Variants in PDGFC observed in about 807,000 individuals in gnomAD.
PDGFC encodes the protein platelet derived growth factor C, also known as platelet-derived growth factor C.
Under a neutral mutation model 35.5 loss-of-function variants are expected in PDGFC, and 12 were observed. That is an observed-to-expected ratio of 0.34 (90% CI 0.22 to 0.55). The LOEUF (loss-of-function observed/expected upper bound fraction) is 0.55. PDGFC is among the 20% of genes least tolerant of loss of function. PDGFC has a pLI of 0.91. For missense variants in PDGFC, 322 were observed against 412.4 expected (o/e 0.78, Z 1.90); for synonymous variants, 159 against 148.8 (o/e 1.07, Z -0.50).
intron 1 of PDGFC, among the ~76,000 whole-genome samples, chr4:156,870,659 C>G (rs764518209): frequency 8.6e-5 from 13 of 150,520 alleles, no homozygotes; most frequent in South Asian, 4.2e-4. Flanking sequence ...ATACGAAATA[C>G]AGGATGAGTG....
chr4:156,918,628 C>T (rs779953249), intron 1 of PDGFC, among the ~76,000 whole-genome samples: 11 of 152,192 alleles, frequency 7.2e-5, no homozygotes, highest in Middle Eastern at 3.4e-3. Flanking sequence ...ACTGCATATG[C>T]GAGGGACATA....
At chr4:156,786,531 A>G (rs577524663) in intron 3 of PDGFC, among the ~76,000 whole-genome samples, 2 of 152,198 alleles carry the variant, frequency 1.3e-5, no homozygotes, top group Admixed American at 6.5e-5. Context: ...GGTAAATTCA[A>G]CTCAAGGAAT....
chr4:156,868,806 T>C (rs1729908314), intron 1 of PDGFC, among the ~76,000 whole-genome samples: 1 of 152,194 alleles, frequency 6.6e-6, no homozygotes, highest in African/African-American at 2.4e-5. Context: ...TGCAGTTGGT[T>C]CTTCTTCAAG....
chr4:156,763,454 A>C (rs1330236297), intron 5 of PDGFC, among the ~76,000 whole-genome samples: 1 of 151,986 alleles, frequency 6.6e-6, no homozygotes, highest in Non-Finnish European at 1.5e-5. Flanking sequence ...TGAATAAGGA[A>C]CAGTACTTAA....
intron 2 of PDGFC, among the ~76,000 whole-genome samples, chr4:156,827,579 T>G (rs556409735): frequency 2.0e-5 from 3 of 152,228 alleles, no homozygotes; most frequent in African/African-American, 4.8e-5. Flanking sequence ...AACAAAAAAC[T>G]AAATCCAATG....
At chr4:156,875,243 C>T (rs1278157572) in intron 1 of PDGFC, among the ~76,000 whole-genome samples, 3 of 152,150 alleles carry the variant, frequency 2.0e-5, no homozygotes, top group African/African-American at 7.2e-5. Context: ...ATCCTGGTAA[C>T]TGCATATGGT....
chr4:156,762,658 AT>A lies in PDGFC; in HGVS notation c.*431del. 1 of 152,958 alleles carries A rather than the reference AT, an allele frequency of 6.5e-6. No individual in the cohort carries two copies. Among genetic ancestry groups the A allele is most frequent in the Admixed American group, 6.5e-5 (1 of 15,346 alleles). The allele number at this position is 152,958 out of a possible 1,614,324, so 9.5% of individuals were successfully genotyped here. The stretch of plus-strand genomic sequence containing the variant: ...AAAAAAAAAATCCAGATTTTATACG[AT>A]TTTAGGCCCAGGACATGGAGCTTTA... On this transcript the variant is annotated 3_prime_UTR_variant, in exon 6 of 6. Transcript: ENST00000502773.
At chr4:156,794,926 A>G (rs373987213) in intron 3 of PDGFC, among the ~76,000 whole-genome samples, 1 of 152,194 alleles carries the variant, frequency 6.6e-6, no homozygotes, top group East Asian at 1.9e-4. Context: ...ATGCAGTATC[A>G]AGATGGAAAC....
chr4:156,893,848 T>A (rs1048556764), intron 1 of PDGFC, among the ~76,000 whole-genome samples: 3 of 152,202 alleles, frequency 2.0e-5, no homozygotes, highest in African/African-American at 7.2e-5. Flanking sequence ...ATATTATACA[T>A]AAACACACAT....
chr4:156,850,279 T>A lies in PDGFC; in HGVS notation c.256A>T (p.Ile86Leu). Residue 86 changes from isoleucine to leucine, a missense_variant, in exon 2 of 6, where the codon ATA becomes TTA. Coordinates refer to ENST00000502773, the MANE Select transcript of PDGFC (RefSeq NM_016205.3). ...RLVAVEENVWIQLTFDERFGL... is the reference protein window; with the variant it reads ...RLVAVEENVWLQLTFDERFGL... Reference sequence around the variant, plus strand: ...AATCTTTCATCAAACGTAAGTTGTATCCATACATTTTCCTCTACTGCTACT... The same window carrying A: ...AATCTTTCATCAAACGTAAGTTGTAACCATACATTTTCCTCTACTGCTACT... The A allele has an allele frequency of 6.2e-7, 1 of 1,609,902 alleles. No homozygotes were observed.
chr4:156,927,092 T>C (rs1285041790), intron 1 of PDGFC, among the ~76,000 whole-genome samples: 1 of 152,204 alleles, frequency 6.6e-6, no homozygotes, highest in African/African-American at 2.4e-5. Context: ...GGACTGCACC[T>C]TCTGAAACCA....
At chr4:156,953,111 T>C (rs570942631) in intron 1 of PDGFC, among the ~76,000 whole-genome samples, 3 of 152,092 alleles carry the variant, frequency 2.0e-5, no homozygotes, top group South Asian at 2.1e-4. Context: ...TTCTATCCCT[T>C]AAGTAAAAGG....
intron 1 of PDGFC, among the ~76,000 whole-genome samples, chr4:156,874,392 C>T (rs1254616375): frequency 6.6e-6 from 1 of 152,002 alleles, no homozygotes; most frequent in Non-Finnish European, 1.5e-5. Flanking sequence ...TAGTTTTGAG[C>T]ACTCCAACTT....
At chr4:156,799,849 C>T (rs552331963) in intron 3 of PDGFC, among the ~76,000 whole-genome samples, 2 of 152,196 alleles carry the variant, frequency 1.3e-5, no homozygotes, top group South Asian at 2.1e-4. Context: ...CGTGTGGAGA[C>T]ACTACAGTTT....
At chr4:156,806,254 CT>C (rs1398496631) in intron 3 of PDGFC, among the ~76,000 whole-genome samples, 9 of 152,090 alleles carry the variant, frequency 5.9e-5, no homozygotes, top group African/African-American at 2.2e-4. Context: ...CATCCACCCC[CT>C]GCCCAGCTTA....
At chr4:156,924,166 C>A (rs1202674232) in intron 1 of PDGFC, among the ~76,000 whole-genome samples, 3 of 152,152 alleles carry the variant, frequency 2.0e-5, no homozygotes, top group East Asian at 3.9e-4. Context: ...TTGCTCTCTG[C>A]AAAGCGCTCC....
At chr4:156,955,236 C>T (rs1732179529) in intron 1 of PDGFC, among the ~76,000 whole-genome samples, 1 of 151,924 alleles carries the variant, frequency 6.6e-6, no homozygotes, top group Non-Finnish European at 1.5e-5. Flanking sequence ...GCTATTTTTC[C>T]ACTGTCTGGC....
At chr4:156,861,078 C>T (rs1729699415) in intron 1 of PDGFC, among the ~76,000 whole-genome samples, 1 of 151,944 alleles carries the variant, frequency 6.6e-6, no homozygotes, top group African/African-American at 2.4e-5. Context: ...AAATAATTTG[C>T]CAGGTAAAAC....
chr4:156,852,590 G>T (rs549468966), intron 1 of PDGFC, among the ~76,000 whole-genome samples: 3 of 152,038 alleles, frequency 2.0e-5, no homozygotes, highest in African/African-American at 7.2e-5. Context: ...ATCTCCAATT[G>T]TCCCTCATCC....
Sources: allele counts gnomAD v4.1 joint callset (sites outside exome capture counted in the v4.1 genomes callset), GRCh38; gene constraint gnomAD v4.1.1; transcripts MANE v1.5; gene names NCBI Gene and HGNC (gene_info 2026-07-23, HGNC 2026-07-21).